Variants in PRDM2 observed in about 807,000 individuals in gnomAD.
The protein encoded by PRDM2 is PR/SET domain 2.
A neutral mutation model predicts 130.0 loss-of-function variants in PRDM2; 30 were observed. The observed-to-expected ratio is 0.23, with a 90% CI of 0.17 to 0.31. PRDM2 has a LOEUF of 0.31. Ranked by LOEUF, PRDM2 falls within the 10% of genes least tolerant of loss-of-function variation. The pLI is 1.00. For missense variants in PRDM2, 2,011 were observed against 2,108.4 expected (o/e 0.95, Z 0.90); for synonymous variants, 871 against 782.4 (o/e 1.11, Z -1.89).
intron 8 of PRDM2, among the ~76,000 whole-genome samples, chr1:13,814,853 C>G (rs1645232313): frequency 6.6e-6 from 1 of 152,202 alleles, no homozygotes; most frequent in Non-Finnish European, 1.5e-5. Flanking sequence ...CCTGCCTGGC[C>G]TCCCACCTCC....
intron 6 of PRDM2, among the ~76,000 whole-genome samples, chr1:13,772,790 T>G (rs930361900): frequency 1.3e-5 from 2 of 152,208 alleles, no homozygotes; most frequent in Admixed American, 6.5e-5. Flanking sequence ...CATAATTTGA[T>G]AGTCATTATA....
chr1:13,722,539 C>G (rs189972849), intron 2 of PRDM2, among the ~76,000 whole-genome samples: 40 of 152,084 alleles, frequency 2.6e-4, no homozygotes, highest in African/African-American at 9.4e-4. Context: ...GTAGACCGAA[C>G]AAACCCCATC....
intron 8 of PRDM2, among the ~76,000 whole-genome samples, chr1:13,794,212 G>T (rs1470744244): frequency 6.6e-6 from 1 of 152,194 alleles, no homozygotes; most frequent in African/African-American, 2.4e-5. Context: ...GACCTGGAAG[G>T]CTGATCAGCT....
At chr1:13,721,442 G>T (rs114439948) in intron 2 of PRDM2, among the ~76,000 whole-genome samples, 1,562 of 151,742 alleles carry the variant, frequency 0.01, 18 homozygotes, top group South Asian at 0.072. Flanking sequence ...ATATGAATCT[G>T]ATTTTTTCAC....
chr1:13,717,326 A>T, intron 2 of PRDM2: 1 of 556,984 alleles, frequency 1.8e-6, no homozygotes, highest in Non-Finnish European at 2.3e-6. Flanking sequence ...CTATTTTAAG[A>T]TTGATTCTTA....
chr1:13,782,829 C>G lies in PRDM2; in HGVS notation c.5034C>G (p.Phe1678Leu). The G allele has an allele frequency of 6.2e-7, 1 of 1,608,666 alleles. No individual in the cohort carries two copies. Among genetic ancestry groups the G allele is most frequent in the Non-Finnish European group, 8.5e-7 (1 of 1,179,290 alleles). ...DGSAKQELKD[F>L]SYSLRLASRC... ...GCGCCAAGCAGGAGCTGAAGGACTT[C>G]AGGTAAGCTCAGGAGCTGGTGGGAG... The change falls in exon 8 of 10, where the codon TTC becomes TTG. Residue 1678 changes from phenylalanine (F) to leucine (L), a missense_variant and splice_region_variant. Around this residue, in one of 5 missense-constraint regions of PRDM2, gnomAD observed 410 missense variants for 395.9 expected, o/e 1.04. Transcript: ENST00000311066.
In PRDM2 at chr1:13,706,221, A is replaced by G. The variant is rs112356868; in HGVS notation, c.-66+5921A>G. ...TTTTTTGTTTCAGCTCTTGACTGCA[A>G]TTCAAACCCTAATTGCCTGTTCTCT... On this transcript the variant is annotated intron_variant, in intron 1 of 9. Coordinates refer to ENST00000311066, the MANE Select transcript of PRDM2 (RefSeq NM_001393986.1). Among the ~76,000 whole-genome samples, 78 of 152,198 alleles carry G rather than the reference A, an allele frequency of 5.1e-4. 2 individuals are homozygous for G. Among genetic ancestry groups the G allele is most frequent in the African/African-American group, 1.8e-3 (76 of 41,526 alleles).
intron 6 of PRDM2, among the ~76,000 whole-genome samples, chr1:13,762,284 G>A (rs979479930): frequency 3.9e-5 from 6 of 152,286 alleles, no homozygotes; most frequent in African/African-American, 1.4e-4. Context: ...CTGCGCAGCA[G>A]TGTTTCATGC....
chr1:13,779,968 A>G lies in PRDM2; in HGVS notation c.2173A>G (p.Met725Val), dbSNP rs139578720. The G allele has an allele frequency of 1.8e-4, 293 of 1,614,240 alleles. 1 individual carries two copies. Among genetic ancestry groups the G allele is most frequent in the African/African-American group, 6.4e-4 (48 of 75,062 alleles). The change falls in exon 8 of 10, where the codon ATG becomes GTG. Residue 725 changes from methionine (M) to valine (V), a missense_variant. Physicochemically the swap from Met to Val is conservative, Grantham distance 21. Around this residue, in one of 5 missense-constraint regions of PRDM2, gnomAD observed 1,288 missense variants for 1,237.7 expected, o/e 1.04. Transcript: ENST00000311066. The surrounding 1 kb of genome is among the most constrained non-coding windows in gnomAD (Gnocchi z 4.9). Reference protein sequence around the residue: ...GPVCVSAPASMLPVTSSRFKR... With the variant: ...GPVCVSAPASVLPVTSSRFKR... ...TGTTTGTGTGTCTGCTCCTGCATCAATGTTGCCTGTGACCTCAAGTAGGTT... is the reference window on the plus strand; with the variant it reads ...TGTTTGTGTGTCTGCTCCTGCATCAGTGTTGCCTGTGACCTCAAGTAGGTT...
intron 5 of PRDM2, among the ~76,000 whole-genome samples, chr1:13,744,332 T>TCCCACATTGTAAGATA (rs1643538270): frequency 6.6e-6 from 1 of 152,172 alleles, no homozygotes; most frequent in African/African-American, 2.4e-5. Flanking sequence ...GTGCCTCAAT[T>TCCCACATTGTAAGATA]CCCACATTGT....
At chr1:13,773,784 A>G (rs1644409549) in intron 7 of PRDM2, 1 of 152,348 alleles carries the variant, frequency 6.6e-6, no homozygotes, top group African/African-American at 2.4e-5. Flanking sequence ...GTTCAAAACC[A>G]TCAAAAAATA....
At chr1:13,777,911 A>T (rs558927897) in intron 7 of PRDM2, among the ~76,000 whole-genome samples, 29 of 152,252 alleles carry the variant, frequency 1.9e-4, no homozygotes, top group Middle Eastern at 3.4e-3. Flanking sequence ...TTCTGAGAAT[A>T]ACATTTTATT....
intron 4 of PRDM2, among the ~76,000 whole-genome samples, chr1:13,736,207 C>T (rs1203150205): frequency 6.6e-6 from 1 of 151,746 alleles, no homozygotes; most frequent in African/African-American, 2.4e-5. Flanking sequence ...CTCCTGGGCC[C>T]AAGTGATCTT....
Position 13,774,099 on chromosome 1 carries a change from A to G in PRDM2, c.622+911A>G, listed in dbSNP as rs548352725. 2.0e-4 allele frequency among the ~76,000 whole-genome samples: 30 copies of G among 152,314 alleles called. No homozygotes were observed. In the East Asian group the frequency reaches 5.8e-3, roughly 29 times the overall value. The stretch of plus-strand genomic sequence containing the variant: ...TTGTCCCCTTAAAATTTTCTCCTTT[A>G]TAGTCCCTCTGGTGATAATATTCTA... On this transcript the variant is annotated intron_variant, in intron 7 of 9. Transcript: ENST00000311066.
rs1035326796 is a variant in PRDM2 at position 13,737,787 on chromosome 1, C to A, written c.232-4218C>A. On this transcript the variant is annotated intron_variant, in intron 4 of 9. Transcript: ENST00000311066. ...GCTTGGTCTGGTGTAAAAAAAAAAA[C>A]TCTCTTTGGGAGTTTATTTATTCAT... is the stretch of plus-strand genomic sequence containing the variant. Among the ~76,000 whole-genome samples the A allele has an allele frequency of 2.0e-5, 3 of 151,992 alleles. No individual in the cohort carries two copies. In the East Asian group the frequency reaches 5.8e-4, roughly 29 times the overall value.
Position 13,791,114 on chromosome 1 carries a change from GT to G in PRDM2, c.5036+8295del, listed in dbSNP as rs3215495. Among the ~76,000 whole-genome samples, 1,248 of 145,524 alleles carry G rather than the reference GT, an allele frequency of 8.6e-3. 12 individuals carry two copies. Among genetic ancestry groups the G allele is most frequent in the African/African-American group, 0.027 (1,084 of 39,902 alleles). On this transcript the variant is annotated intron_variant, in intron 8 of 9. Coordinates refer to ENST00000311066, the MANE Select transcript of PRDM2 (RefSeq NM_001393986.1). ...GCAGTCCATCGTTTTTATAGGTAGGGTTTTTTTTTTTTAAGGGATTTTATTT... is the reference window on the plus strand; with the variant it reads ...GCAGTCCATCGTTTTTATAGGTAGGGTTTTTTTTTTTAAGGGATTTTATTT...
chr1:13,753,490 TTGGTA>T (rs1643884428), intron 6 of PRDM2, among the ~76,000 whole-genome samples: 1 of 152,196 alleles, frequency 6.6e-6, no homozygotes, highest in Admixed American at 6.5e-5. Flanking sequence ...ATTAAAAACC[TTGGTA>T]CTGTGACGAC....
At chr1:13,782,864 G>C in intron 8 of PRDM2, 33 bp downstream of exon 8, 1 of 1,605,668 alleles carries the variant, frequency 6.2e-7, no homozygotes, top group Non-Finnish European at 8.5e-7. Context: ...GGGAAAGACC[G>C]GGAAGGCGAC....
intron 6 of PRDM2, chr1:13,770,476 CAGACTGGGT>C (rs1036962930): frequency 1.5e-4 from 38 of 252,332 alleles, no homozygotes; most frequent in African/African-American, 6.1e-4. Context: ...ATATGACCTA[CAGACTGGGT>C]TTGTACAACA....
Sources: gnomAD v4.1 joint callset for allele counts (sites outside exome capture counted in the v4.1 genomes callset) on GRCh38, gnomAD v4.1.1 for gene constraint, gnomAD v4.1.1 regional missense constraint, Gnocchi (gnomAD v3.1) non-coding constraint, MANE v1.5 for transcripts, NCBI Gene and HGNC (gene_info 2026-07-23, HGNC 2026-07-21) for gene names.